MACROD2: variants seen among roughly 807,000 people sequenced by gnomAD.
The protein encoded by MACROD2 is mono-ADP ribosylhydrolase 2.
Under a neutral mutation model 70.4 loss-of-function variants are expected in MACROD2, and 36 were observed. That is an observed-to-expected ratio of 0.51 (90% CI 0.39 to 0.68). The LOEUF is 0.68. Among genes scored for constraint, MACROD2 ranks in the 30% least tolerant of loss-of-function variants. The pLI, the probability that MACROD2 is intolerant of heterozygous loss-of-function variation, is 0.00. For missense variants in MACROD2, 496 were observed against 538.4 expected, an observed-to-expected ratio of 0.92 and a Z score of 0.78; for synonymous variants, 172 against 178.8, an observed-to-expected ratio of 0.96 and a Z score of 0.30.
At chr20:14,605,820 C>T (rs1429016395) in intron 4 of MACROD2, among the ~76,000 whole-genome samples, 1 of 151,460 alleles carries the variant, frequency 6.6e-6, no homozygotes, top group East Asian at 1.9e-4. Context: ...TCTCAAAATC[C>T]TTGAGATACA....
chr20:15,214,568 C>T (rs1411321091), intron 5 of MACROD2, among the ~76,000 whole-genome samples: 1 of 152,068 alleles, frequency 6.6e-6, no homozygotes, highest in Non-Finnish European at 1.5e-5. Context: ...ATAAAAAGAA[C>T]ATTAAAATGC....
At chr20:14,267,867 A>C (rs2082156537) in intron 3 of MACROD2, among the ~76,000 whole-genome samples, 1 of 152,082 alleles carries the variant, frequency 6.6e-6, no homozygotes, top group Admixed American at 6.5e-5. Flanking sequence ...TGAGGGATTC[A>C]TAGACCCCTG....
intron 4 of MACROD2, among the ~76,000 whole-genome samples, chr20:14,565,264 G>C (rs979098848): frequency 2.6e-5 from 4 of 151,570 alleles, no homozygotes; most frequent in Non-Finnish European, 5.9e-5. Flanking sequence ...TTGGGTGATA[G>C]GTACAACAAA....
At chr20:15,156,055 A>T (rs571505658) in intron 5 of MACROD2, among the ~76,000 whole-genome samples, 1 of 152,298 alleles carries the variant, frequency 6.6e-6, no homozygotes, top group South Asian at 2.1e-4. Context: ...TAAAATCTCC[A>T]GATGATGGTA....
At chr20:14,958,461 C>G (rs1294419988) in intron 5 of MACROD2, among the ~76,000 whole-genome samples, 3 of 152,142 alleles carry the variant, frequency 2.0e-5, no homozygotes, top group Non-Finnish European at 4.4e-5. Context: ...AGATTCTACT[C>G]TAGTTTAAAT....
chr20:15,494,738 T>G (rs931104542), intron 7 of MACROD2, among the ~76,000 whole-genome samples: 33 of 76,810 alleles, frequency 4.3e-4, no homozygotes, highest in African/African-American at 1.1e-3. Context: ...CATAATGGGG[T>G]GTGTGTGTGT....
intron 5 of MACROD2, among the ~76,000 whole-genome samples, chr20:14,801,431 C>T (rs147695371): frequency 2.1e-4 from 32 of 152,250 alleles, no homozygotes; most frequent in African/African-American, 7.0e-4. Flanking sequence ...TATATTCATA[C>T]ACCTGTTAAA....
At chr20:15,901,982 C>G (rs1023058673) in intron 10 of MACROD2, among the ~76,000 whole-genome samples, 7 of 152,360 alleles carry the variant, frequency 4.6e-5, no homozygotes, top group African/African-American at 1.7e-4. Flanking sequence ...ATAAGTGTTT[C>G]TCAAAATATG....
intron 5 of MACROD2, among the ~76,000 whole-genome samples, chr20:14,797,399 G>T (rs2072522818): frequency 1.3e-5 from 2 of 151,832 alleles, no homozygotes; most frequent in African/African-American, 4.8e-5. Context: ...GTTCTCTCCT[G>T]GCTCACCTTG....
intron 6 of MACROD2, among the ~76,000 whole-genome samples, chr20:15,353,685 C>G (rs938187066): frequency 1.4e-5 from 2 of 147,740 alleles, no homozygotes; most frequent in South Asian, 2.2e-4. Flanking sequence ...AAAAAGTGGG[C>G]AAAGGATATG....
intron 8 of MACROD2, among the ~76,000 whole-genome samples, chr20:15,520,564 T>A (rs1258605591): frequency 1.3e-5 from 2 of 152,152 alleles, no homozygotes; most frequent in Non-Finnish European, 2.9e-5. Context: ...AGCCTAGAGC[T>A]TCAAGATTCC....
chr20:14,406,075 T>C lies in MACROD2; in HGVS notation c.272-87404T>C, dbSNP rs1363015619. On this transcript the variant is annotated intron_variant, in intron 3 of 17. Coordinates refer to ENST00000684519, the MANE Select transcript of MACROD2 (RefSeq NM_001351661.2). ...AGAATATTTATTAAAAATGTCAAAA[T>C]AGGACAAGATCTTAGAGGATACTTT... Among the ~76,000 whole-genome samples, 4 of 152,144 alleles carry C rather than the reference T, an allele frequency of 2.6e-5. No homozygotes were observed. The East Asian group carries it at 7.7e-4, about 29-fold the overall frequency.
At chr20:14,099,885 A>T (rs1221286974) in intron 3 of MACROD2, among the ~76,000 whole-genome samples, 1 of 152,136 alleles carries the variant, frequency 6.6e-6, no homozygotes, top group Non-Finnish European at 1.5e-5. Context: ...ATTAATTTGT[A>T]AGATATACCA....
intron 8 of MACROD2, among the ~76,000 whole-genome samples, chr20:15,730,663 T>G (rs1600816457): frequency 6.6e-6 from 1 of 151,944 alleles, no homozygotes; most frequent in South Asian, 2.1e-4. Flanking sequence ...ATTGGTGTTT[T>G]GGGGATAGTT....
intron 5 of MACROD2, among the ~76,000 whole-genome samples, chr20:15,130,724 A>T (rs1162964986): frequency 6.6e-6 from 1 of 152,112 alleles, no homozygotes; most frequent in Non-Finnish European, 1.5e-5. Flanking sequence ...TGAGTAGGGA[A>T]GTGTATACTA....
intron 5 of MACROD2, among the ~76,000 whole-genome samples, chr20:14,747,863 C>T (rs74751850): frequency 6.6e-6 from 1 of 151,996 alleles, no homozygotes; most frequent in Non-Finnish European, 1.5e-5. Flanking sequence ...ATAGAGGAGC[C>T]TCTCCTGCAT....
intron 3 of MACROD2, among the ~76,000 whole-genome samples, chr20:14,130,492 C>T (rs928024926): frequency 2.0e-5 from 3 of 151,872 alleles, no homozygotes; most frequent in African/African-American, 4.8e-5. Context: ...TGCAGTGAGT[C>T]GAGATCACGC....
At chr20:15,376,389 AG>A (rs2045562427) in intron 6 of MACROD2, among the ~76,000 whole-genome samples, 1 of 152,188 alleles carries the variant, frequency 6.6e-6, no homozygotes, top group African/African-American at 2.4e-5. Flanking sequence ...GAAGAAGGAC[AG>A]ACCTCAATAT....
intron 1 of MACROD2, among the ~76,000 whole-genome samples, chr20:13,996,082 G>A (rs560250886): frequency 6.6e-6 from 1 of 152,178 alleles, no homozygotes. Context: ...CTCCCGAGGC[G>A]GTGCTGCGTT....
Sources: allele counts gnomAD v4.1 joint callset (sites outside exome capture counted in the v4.1 genomes callset), GRCh38; gene constraint gnomAD v4.1.1; transcripts MANE v1.5; gene names NCBI Gene and HGNC (gene_info 2026-07-23, HGNC 2026-07-21).